The following SLIT2 variants were observed in gnomAD, a reference collection of about 807,000 sequenced individuals.
SLIT2 encodes the protein slit guidance ligand 2.
In SLIT2, 41 loss-of-function variants were observed where a neutral mutation model predicts 185.7. The ratio of observed to expected loss-of-function variants is 0.22; its 90% CI spans 0.17 to 0.29. The LOEUF (loss-of-function observed/expected upper bound fraction) is 0.29, where lower values mean the gene tolerates loss of function less well. Among genes scored for constraint, SLIT2 ranks in the 10% least tolerant of loss-of-function variants. SLIT2 has a pLI of 1.00. For synonymous variants in SLIT2, 693 were observed against 680.2 expected (o/e 1.02, Z -0.29); for missense variants, 1,571 against 1,909.0 (o/e 0.82, Z 3.30).
At chr4:20,564,863 A>G (rs1185446193) in intron 26 of SLIT2, among the ~76,000 whole-genome samples, 1 of 151,892 alleles carries the variant, frequency 6.6e-6, no homozygotes, top group Non-Finnish European at 1.5e-5. Context: ...AAAATAATTC[A>G]GCATAATTAT....
At chr4:20,290,678 C>G (rs1421569711) in intron 4 of SLIT2, among the ~76,000 whole-genome samples, 1 of 151,422 alleles carries the variant, frequency 6.6e-6, no homozygotes, top group Non-Finnish European at 1.5e-5. Context: ...TTGCCAGTGT[C>G]TGGCATATGG....
intron 3 of SLIT2, among the ~76,000 whole-genome samples, chr4:20,266,898 A>G (rs1191783000): frequency 1.3e-5 from 2 of 152,052 alleles, no homozygotes; most frequent in Non-Finnish European, 1.5e-5. Context: ...GAAGCACTTC[A>G]TAAAGAGAAC....
At chr4:20,441,744 CA>C (rs894104141) in intron 4 of SLIT2, among the ~76,000 whole-genome samples, 51 of 152,148 alleles carry the variant, frequency 3.4e-4, no homozygotes, top group African/African-American at 1.2e-3. Context: ...TACCTGCACA[CA>C]AGTCAGACTG....
chr4:20,452,017 T>A (rs1419846670), intron 4 of SLIT2, among the ~76,000 whole-genome samples: 1 of 152,224 alleles, frequency 6.6e-6, no homozygotes, highest in Non-Finnish European at 1.5e-5. Context: ...CTCATTGAAA[T>A]CATATGATCT....
At chr4:20,604,208 T>A (rs551920723) in intron 33 of SLIT2, among the ~76,000 whole-genome samples, 1 of 152,384 alleles carries the variant, frequency 6.6e-6, no homozygotes, top group African/African-American at 2.4e-5. Context: ...CATCTCACTG[T>A]ACAGTATGTT....
chr4:20,536,835 T>C (rs1448034332), intron 18 of SLIT2, among the ~76,000 whole-genome samples: 1 of 152,134 alleles, frequency 6.6e-6, no homozygotes, highest in Admixed American at 6.5e-5. Flanking sequence ...TTCTGTTTTT[T>C]AAATTGTTTG....
At chr4:20,287,679 C>T (rs1250040361) in intron 4 of SLIT2, among the ~76,000 whole-genome samples, 4 of 152,148 alleles carry the variant, frequency 2.6e-5, no homozygotes, top group Non-Finnish European at 5.9e-5. Context: ...TCTCCATTGT[C>T]TCCATAGTTT....
intron 14 of SLIT2, 32 bp downstream of exon 14, chr4:20,524,209 C>T (rs772524099): frequency 1.2e-6 from 2 of 1,608,314 alleles, no homozygotes; most frequent in Non-Finnish European, 1.7e-6. Flanking sequence ...TCCCCTGTGA[C>T]CAACAACAAT....
intron 4 of SLIT2, among the ~76,000 whole-genome samples, chr4:20,363,235 A>G (rs767188606): frequency 5.6e-4 from 86 of 152,276 alleles, no homozygotes; most frequent in Admixed American, 7.9e-4. Context: ...CTTAATTTGA[A>G]ACACGTGTGT....
intron 4 of SLIT2, chr4:20,394,490 A>G (rs1245951841): frequency 6.6e-6 from 1 of 151,864 alleles, no homozygotes; most frequent in East Asian, 1.9e-4. Flanking sequence ...CCACCTACTA[A>G]TCTTGTCTAT....
chr4:20,528,190 A>G lies in SLIT2; in HGVS notation c.1463-759A>G, dbSNP rs537878188. On this transcript the variant is annotated intron_variant, in intron 15 of 36. Coordinates refer to ENST00000504154, the MANE Select transcript of SLIT2 (RefSeq NM_004787.4). The surrounding 1 kb of genome is among the most constrained non-coding windows in gnomAD (Gnocchi z 4.2). ...GAAGAATGCATGTCATGTAAACAGT[A>G]TTACGTTTCCAGAACGTCTGTAGCT... 3 of 519,632 alleles carry G rather than the reference A, an allele frequency of 5.8e-6. No individual in the cohort carries two copies. The highest frequency in any genetic ancestry group is 1.4e-5 in the South Asian group (1 of 69,914). 32.2% of individuals were successfully genotyped at this position (519,632 alleles called of 1,614,324 possible). A position where few individuals can be genotyped will look rare whatever the true frequency, so the allele number is the denominator to read the frequency against.
chr4:20,518,229 A>ATT (rs1553916491), intron 11 of SLIT2, among the ~76,000 whole-genome samples: 1 of 118,462 alleles, frequency 8.4e-6, no homozygotes, highest in African/African-American at 3.2e-5. Flanking sequence ...ATACATATAT[A>ATT]TGTGTGTGTG....
intron 25 of SLIT2, among the ~76,000 whole-genome samples, chr4:20,553,008 G>T (rs1723912241): frequency 6.6e-6 from 1 of 152,142 alleles, no homozygotes; most frequent in South Asian, 2.1e-4. Context: ...TGCAATAAAT[G>T]TTAGCTATTA....
intron 4 of SLIT2, among the ~76,000 whole-genome samples, chr4:20,292,353 A>T (rs755067524): frequency 5.9e-5 from 9 of 152,156 alleles, no homozygotes; most frequent in African/African-American, 9.7e-5. Flanking sequence ...GAGCTTCAGT[A>T]TTTTCTTTTG....
intron 4 of SLIT2, among the ~76,000 whole-genome samples, chr4:20,439,436 CTG>C (rs1312178829): frequency 2.0e-5 from 3 of 152,196 alleles, no homozygotes; most frequent in Non-Finnish European, 4.4e-5. Context: ...TGCCAGCAAT[CTG>C]TGGTCTTCCT....
intron 4 of SLIT2, among the ~76,000 whole-genome samples, chr4:20,441,300 C>T (rs1385060676): frequency 6.6e-6 from 1 of 152,138 alleles, no homozygotes; most frequent in African/African-American, 2.4e-5. Context: ...GCACAGGATA[C>T]TGTTTTCTTA....
intron 11 of SLIT2, among the ~76,000 whole-genome samples, chr4:20,513,115 A>G (rs903255021): frequency 3.3e-5 from 5 of 152,190 alleles, no homozygotes; most frequent in Non-Finnish European, 7.3e-5. Flanking sequence ...ATTGAAATCT[A>G]AGGCCTCATG....
At chr4:20,539,647 T>C in intron 19 of SLIT2, 63 bp downstream of exon 19, 3 of 1,061,138 alleles carry the variant, frequency 2.8e-6, no homozygotes, top group Non-Finnish European at 1.3e-6. Flanking sequence ...TTAATGTATT[T>C]AATATATTAT....
chr4:20,346,336 A>C (rs992052545), intron 4 of SLIT2, among the ~76,000 whole-genome samples: 1 of 152,274 alleles, frequency 6.6e-6, no homozygotes, highest in South Asian at 2.1e-4. Context: ...GTATATGAGA[A>C]GCTGTCCTGT....
Sources: allele counts gnomAD v4.1 joint callset (sites outside exome capture counted in the v4.1 genomes callset), GRCh38; gene constraint gnomAD v4.1.1; non-coding constraint Gnocchi (gnomAD v3.1); transcripts MANE v1.5; gene names NCBI Gene and HGNC (gene_info 2026-07-23, HGNC 2026-07-21).